The following NPLOC4 variants were observed in gnomAD, a reference collection of about 807,000 sequenced individuals.
NPLOC4 encodes NPL4 homolog, ubiquitin recognition factor.
In NPLOC4, 18 loss-of-function variants were observed where a neutral mutation model predicts 80.6. That is an observed-to-expected ratio of 0.22 (90% CI 0.15 to 0.33). The LOEUF (loss-of-function observed/expected upper bound fraction) is 0.33. Among genes scored for constraint, NPLOC4 ranks in the 10% least tolerant of loss-of-function variants. The pLI, the probability that NPLOC4 is intolerant of heterozygous loss-of-function variation, is 1.00. For missense variants in NPLOC4, 540 were observed against 786.1 expected (o/e 0.69, Z 3.74); for synonymous variants, 313 against 301.5 (o/e 1.04, Z -0.39).
intron 2 of NPLOC4, among the ~76,000 whole-genome samples, chr17:81,628,160 A>G (rs1319465432): frequency 7.9e-5 from 12 of 151,504 alleles, no homozygotes; most frequent in African/African-American, 4.9e-5. Flanking sequence ...GCAGTGAGCC[A>G]AGATCATGCC....
intron 12 of NPLOC4, among the ~76,000 whole-genome samples, chr17:81,573,293 C>G (rs2034208893): frequency 6.6e-6 from 1 of 152,180 alleles, no homozygotes; most frequent in Non-Finnish European, 1.5e-5. Context: ...CCAAGCAAAT[C>G]TCCCTGAGGT....
chr17:81,565,641 T>G, intron 15 of NPLOC4, 34 bp from the exon 16 acceptor site: 1 of 1,495,488 alleles, frequency 6.7e-7, no homozygotes, highest in Non-Finnish European at 9.0e-7. Context: ...TCCTCTTCGC[T>G]GTGCCTAAGG....
chr17:81,557,275 TCTGA>T lies in NPLOC4; in HGVS notation c.*1980_*1983del, dbSNP rs1255005894. 1 of 152,470 alleles carries T rather than the reference TCTGA, an allele frequency of 6.6e-6. No individual in the cohort carries two copies. The highest frequency in any genetic ancestry group is 2.4e-5 in the African/African-American group (1 of 41,438). 9.4% of individuals were successfully genotyped at this position (152,470 alleles called of 1,614,324 possible). ...TCACCCCCAAGCCTGTATGCTTAGC[TCTGA>T]CTCTCTTTGGACAATAAAATAAAGT... is the stretch of plus-strand genomic sequence containing the variant. On this transcript the variant is annotated 3_prime_UTR_variant, in exon 17 of 17. Transcript: ENST00000331134.
At chr17:81,626,739 A>G (rs1191832983) in intron 2 of NPLOC4, among the ~76,000 whole-genome samples, 2 of 152,134 alleles carry the variant, frequency 1.3e-5, no homozygotes, top group Non-Finnish European at 2.9e-5. Context: ...TCAAGGCTGC[A>G]GTGAGCTGTG....
chr17:81,559,897 T>C (rs553868782), intron 16 of NPLOC4, among the ~76,000 whole-genome samples: 1 of 151,920 alleles, frequency 6.6e-6, no homozygotes, highest in Admixed American at 6.5e-5. Context: ...AATGCCTGGC[T>C]AATTTTATCT....
chr17:81,631,421 C>CATATATATATATAT (rs1415379403), intron 1 of NPLOC4, among the ~76,000 whole-genome samples: 41 of 49,470 alleles, frequency 8.3e-4, no homozygotes, highest in African/African-American at 3.4e-3. Flanking sequence ...TTAAAGTGTA[C>CATATATATATATAT]ATATATATAT....
In NPLOC4 at chr17:81,613,473, C is replaced by T. The variant is rs374372594; in HGVS notation, c.231G>A (p.Leu77=). 3.0e-4 allele frequency: 490 copies of T among 1,613,770 alleles called. 5 individuals carry two copies. The Middle Eastern group carries it at 0.017, about 56-fold the overall frequency. ...LKIKHGDLLF[L]FPSSLAGPSS... ...AGGGCCCAGCAAGGCTCGAGGGAAA[C>T]AGGAACAACAAATCGCCATGCCTGT... The change falls in exon 4 of 17, where the codon CTG becomes CTA. Residue 77 remains leucine (L), a synonymous_variant. Transcript: ENST00000331134.
intron 12 of NPLOC4, among the ~76,000 whole-genome samples, chr17:81,585,258 A>G (rs2034546813): frequency 6.6e-6 from 1 of 151,822 alleles, no homozygotes; most frequent in South Asian, 2.1e-4. Context: ...GTCCAGTAAC[A>G]TCCATGATTC....
chr17:81,624,775 G>A (rs992451926), intron 2 of NPLOC4, among the ~76,000 whole-genome samples: 2 of 152,198 alleles, frequency 1.3e-5, no homozygotes, highest in Non-Finnish European at 2.9e-5. Context: ...CCCACCCAGC[G>A]GTGGGTAAGC....
At chr17:81,630,589 C>CTTA (rs2035903082) in intron 1 of NPLOC4, among the ~76,000 whole-genome samples, 2 of 152,060 alleles carry the variant, frequency 1.3e-5, no homozygotes, top group African/African-American at 4.8e-5. Flanking sequence ...CCCTAAAAAA[C>CTTA]GTTTAAAAAT....
At chr17:81,613,619 A>G in intron 3 of NPLOC4, 125 bp from the exon 4 acceptor site, 1 of 783,398 alleles carries the variant, frequency 1.3e-6, no homozygotes, top group Non-Finnish European at 2.0e-6. Flanking sequence ...TGAGGTTTCT[A>G]ACTTTTAAGA....
intron 2 of NPLOC4, among the ~76,000 whole-genome samples, chr17:81,629,271 T>C (rs548822240): frequency 1.3e-5 from 2 of 150,898 alleles, no homozygotes; most frequent in South Asian, 4.2e-4. Context: ...CGACTCACTG[T>C]AAACTCTGCC....
chr17:81,578,474 G>A (rs1343270722), intron 12 of NPLOC4, among the ~76,000 whole-genome samples: 1 of 152,168 alleles, frequency 6.6e-6, no homozygotes, highest in African/African-American at 2.4e-5. Context: ...CGACTGGTCC[G>A]TTTTCTCACT....
At position 81,577,064 on chromosome 17, in the gene NPLOC4, T is replaced by A. The variant is rs2034320707; in HGVS notation, c.1282-4976A>T. The stretch of plus-strand genomic sequence containing the variant: ...ACCAAGTGCTGTTCACAGTGCCAGA[T>A]GCCAACAAACCCCACGGCCTGCTGA... On this transcript the variant is annotated intron_variant, in intron 12 of 16. Transcript: ENST00000331134. This position sits in a 1 kb window ranked among gnomAD's most constrained non-coding sequence, Gnocchi z 4.3. 6.6e-6 allele frequency among the ~76,000 whole-genome samples: 1 copy of A among 152,194 alleles called. No homozygotes were observed.
At chr17:81,633,198 T>G (rs1456011668) in intron 1 of NPLOC4, among the ~76,000 whole-genome samples, 3 of 151,970 alleles carry the variant, frequency 2.0e-5, no homozygotes, top group Admixed American at 1.3e-4. Context: ...TCATTCTAGA[T>G]TCAATACCCC....
At chr17:81,609,551 C>T (rs1025378113) in intron 5 of NPLOC4, among the ~76,000 whole-genome samples, 9 of 152,150 alleles carry the variant, frequency 5.9e-5, no homozygotes, top group Non-Finnish European at 1.3e-4. Flanking sequence ...CTCAAATGAT[C>T]CTCTGGCCCT....
At chr17:81,618,415 G>A (rs1054195137) in intron 3 of NPLOC4, among the ~76,000 whole-genome samples, 8 of 151,244 alleles carry the variant, frequency 5.3e-5, no homozygotes, top group South Asian at 4.2e-4. Context: ...GAGCCCCTCC[G>A]CCCCGCAGCC....
At chr17:81,620,700 C>G (rs559935119) in intron 3 of NPLOC4, among the ~76,000 whole-genome samples, 6 of 152,118 alleles carry the variant, frequency 3.9e-5, no homozygotes, top group African/African-American at 1.4e-4. Context: ...GAAAAAAAGG[C>G]CAAGCAACAG....
At chr17:81,592,911 A>G (rs1365946995) in intron 11 of NPLOC4, among the ~76,000 whole-genome samples, 2 of 152,208 alleles carry the variant, frequency 1.3e-5, no homozygotes, top group Non-Finnish European at 2.9e-5. Flanking sequence ...TTGAACCCGG[A>G]GGCAGAAGTT....
Sources: gnomAD v4.1 joint callset for allele counts (sites outside exome capture counted in the v4.1 genomes callset) on GRCh38, gnomAD v4.1.1 for gene constraint, Gnocchi (gnomAD v3.1) non-coding constraint, MANE v1.5 for transcripts, NCBI Gene and HGNC (gene_info 2026-07-23, HGNC 2026-07-21) for gene names.